Variants in LHFPL2 observed in about 807,000 individuals in gnomAD.
The protein encoded by LHFPL2 is LHFPL tetraspan subfamily member 2, also known as LHFPL tetraspan subfamily member 2 protein.
In LHFPL2, 7 loss-of-function variants were observed where a neutral mutation model predicts 17.5. The ratio of observed to expected loss-of-function variants is 0.40; its 90% CI spans 0.23 to 0.75. LHFPL2 has a LOEUF of 0.75. LHFPL2 is among the 30% of genes least tolerant of loss of function. The probability of loss-of-function intolerance (pLI) is 0.37; values close to 1 mark genes in which losing one functional copy is unlikely to be tolerated. For missense variants in LHFPL2, 241 were observed against 294.8 expected, an observed-to-expected ratio of 0.82 and a Z score of 1.34; for synonymous variants, 134 against 116.2, an observed-to-expected ratio of 1.15 and a Z score of -0.99.
chr5:78,644,821 G>T, intron 1 of LHFPL2: 1 of 216,440 alleles, frequency 4.6e-6, no homozygotes, highest in Non-Finnish European at 9.6e-6. Context: ...TTACCTCTCA[G>T]CTTCCTTGGA....
intron 1 of LHFPL2, among the ~76,000 whole-genome samples, chr5:78,633,063 TA>T: frequency 6.6e-6 from 1 of 152,266 alleles, no homozygotes; most frequent in South Asian, 2.1e-4. Context: ...GACTGGACCT[TA>T]AGGCTAATGC....
chr5:78,535,481 CG>C (rs1755920574), intron 3 of LHFPL2, among the ~76,000 whole-genome samples: 1 of 152,112 alleles, frequency 6.6e-6, no homozygotes, highest in African/African-American at 2.4e-5. Context: ...AGAGCAAAGA[CG>C]ACCTAGGACC....
At chr5:78,634,923 G>A (rs1745380146) in intron 1 of LHFPL2, among the ~76,000 whole-genome samples, 1 of 152,224 alleles carries the variant, frequency 6.6e-6, no homozygotes, top group African/African-American at 2.4e-5. Context: ...TCAAGAACAT[G>A]GAGGAACATC....
chr5:78,548,207 G>T (rs1560194), intron 3 of LHFPL2, among the ~76,000 whole-genome samples: 54,976 of 152,114 alleles, frequency 0.36, 10,922 homozygotes, highest in Middle Eastern at 0.47. Flanking sequence ...CCTGGATGTG[G>T]CGATGCAGAG....
intron 2 of LHFPL2, among the ~76,000 whole-genome samples, chr5:78,575,473 T>C (rs970879390): frequency 7.2e-5 from 11 of 151,936 alleles, no homozygotes; most frequent in African/African-American, 2.7e-4. Flanking sequence ...CACTTGAACC[T>C]GGGAGGCGGA....
intron 2 of LHFPL2, among the ~76,000 whole-genome samples, chr5:78,614,863 A>G (rs945648868): frequency 1.3e-5 from 2 of 152,234 alleles, no homozygotes; most frequent in African/African-American, 4.8e-5. Flanking sequence ...CAATTTACAG[A>G]TGAGGAACTG....
chr5:78,571,698 C>T (rs576672090), intron 2 of LHFPL2, among the ~76,000 whole-genome samples: 1 of 152,310 alleles, frequency 6.6e-6, no homozygotes, highest in South Asian at 2.1e-4. Context: ...TTATCTCCTT[C>T]CCTGACCACC....
At chr5:78,540,788 T>C (rs1756087264) in intron 3 of LHFPL2, among the ~76,000 whole-genome samples, 1 of 152,176 alleles carries the variant, frequency 6.6e-6, no homozygotes, top group Non-Finnish European at 1.5e-5. Context: ...TTGAAGCGGC[T>C]CTCTGGGGCT....
In LHFPL2 at chr5:78,509,807, C is replaced by T; in HGVS notation, c.407G>A (p.Cys136Tyr). Residue 136 changes from cysteine to tyrosine, a missense_variant, in exon 4 of 5, where the codon TGT becomes TAT. Coordinates refer to ENST00000380345, the MANE Select transcript of LHFPL2 (RefSeq NM_005779.3). ...ACCTGCAATTCCTTGCAACAGCCCA[C>T]AGACATTGAAGATGCTTTTCTTCAT... ...SIMKKSIFNV[C>Y]GLLQGIAGLF... 1.2e-6 allele frequency: 2 copies of T among 1,613,028 alleles called. No individual in the cohort carries two copies. Among genetic ancestry groups the T allele is most frequent in the Non-Finnish European group, 1.7e-6 (2 of 1,179,034 alleles).
intron 3 of LHFPL2, among the ~76,000 whole-genome samples, chr5:78,523,824 A>G (rs1755535347): frequency 6.6e-6 from 1 of 152,208 alleles, no homozygotes; most frequent in Non-Finnish European, 1.5e-5. Context: ...TTAAAAGAAA[A>G]AAGTCCCAAG....
At chr5:78,619,437 A>C (rs1744748086) in intron 2 of LHFPL2, among the ~76,000 whole-genome samples, 1 of 151,470 alleles carries the variant, frequency 6.6e-6, no homozygotes, top group African/African-American at 2.4e-5. Flanking sequence ...TCTCCAACTC[A>C]TCCTTTAGAG....
At position 78,510,196 on chromosome 5, in the gene LHFPL2, G is replaced by C. The variant is rs775815256; in HGVS notation, c.18C>G (p.Val6=). The C allele has an allele frequency of 1.9e-6, 3 of 1,598,526 alleles. No individual in the cohort carries two copies. The highest frequency in any genetic ancestry group is 2.2e-5 in the South Asian group (2 of 90,334). ...AGGTCCAGAGCATCGAGCGACAGGT[G>C]ACAATGACATGACACATATTGATGT... MCHVI[V]TCRSMLWTLL... is the part of the protein sequence containing the mutation. The change falls in exon 4 of 5, where the codon GTC becomes GTG. Residue 6 remains valine, a synonymous_variant. Transcript: ENST00000380345.
At chr5:78,551,299 T>A (rs1330640993) in intron 3 of LHFPL2, among the ~76,000 whole-genome samples, 1 of 152,096 alleles carries the variant, frequency 6.6e-6, no homozygotes, top group Non-Finnish European at 1.5e-5. Flanking sequence ...CTTGGAAGAG[T>A]TCCATAGCAA....
chr5:78,570,396 T>C (rs1756964819), intron 2 of LHFPL2, among the ~76,000 whole-genome samples: 1 of 151,742 alleles, frequency 6.6e-6, no homozygotes, highest in Non-Finnish European at 1.5e-5. Flanking sequence ...GAGCACAGAG[T>C]AGCAGTGATG....
At position 78,648,417 on chromosome 5, in the gene LHFPL2, C is replaced by A. The variant is rs1181991310; in HGVS notation, c.-350+82G>T. 2 of 151,750 alleles carry A rather than the reference C, an allele frequency of 1.3e-5. No individual in the cohort carries two copies. The highest frequency in any genetic ancestry group is 2.1e-4 in the South Asian group (1 of 4,834). The allele number at this position is 151,750 out of a possible 1,614,324, so 9.4% of individuals were successfully genotyped here. On this transcript the variant is annotated intron_variant, in intron 1 of 4. Coordinates refer to ENST00000380345, the MANE Select transcript of LHFPL2 (RefSeq NM_005779.3). The surrounding 1 kb of genome is among the most constrained non-coding windows in gnomAD (Gnocchi z 5.4). Reference sequence around the variant, plus strand: ...CGGCCGGCCGCAACGGCTCCCCATGCGCCCGCGCGGGGCGCCCACCTGGCC... The same window carrying A: ...CGGCCGGCCGCAACGGCTCCCCATGAGCCCGCGCGGGGCGCCCACCTGGCC...
At chr5:78,608,622 G>T (rs1744307617) in intron 2 of LHFPL2, among the ~76,000 whole-genome samples, 1 of 151,234 alleles carries the variant, frequency 6.6e-6, no homozygotes, top group Non-Finnish European at 1.5e-5. Context: ...AAACTCTCAG[G>T]TATTTAGTGA....
intron 1 of LHFPL2, among the ~76,000 whole-genome samples, chr5:78,634,338 C>T (rs1018506082): frequency 1.3e-5 from 2 of 152,228 alleles, no homozygotes; most frequent in African/African-American, 2.4e-5. Flanking sequence ...TGCAGGAACT[C>T]ACAGGAAGTC....
intron 3 of LHFPL2, among the ~76,000 whole-genome samples, chr5:78,512,132 T>C (rs1313110005): frequency 7.2e-5 from 11 of 152,062 alleles, no homozygotes; most frequent in African/African-American, 9.7e-5. Flanking sequence ...TCCTGTAACA[T>C]AGATGACACC....
intron 3 of LHFPL2, among the ~76,000 whole-genome samples, chr5:78,528,690 A>G (rs1034647980): frequency 5.3e-5 from 8 of 152,202 alleles, no homozygotes; most frequent in African/African-American, 1.9e-4. Context: ...ACAGTTATGT[A>G]TGTGTACCCA....
Sources: gnomAD v4.1 joint callset for allele counts (sites outside exome capture counted in the v4.1 genomes callset) on GRCh38, gnomAD v4.1.1 for gene constraint, Gnocchi (gnomAD v3.1) non-coding constraint, MANE v1.5 for transcripts, NCBI Gene and HGNC (gene_info 2026-07-23, HGNC 2026-07-21) for gene names.